The following PTPRD variants were observed in gnomAD, a reference collection of about 807,000 sequenced individuals.
PTPRD encodes the protein protein tyrosine phosphatase receptor type D.
In PTPRD, 34 loss-of-function variants were observed where a neutral mutation model predicts 214.5. The observed-to-expected ratio is 0.16, with a 90% CI of 0.12 to 0.21. The LOEUF (loss-of-function observed/expected upper bound fraction) is 0.21, where lower values mean the gene tolerates loss of function less well. Among genes scored for constraint, PTPRD ranks in the 10% least tolerant of loss-of-function variants. PTPRD has a pLI of 1.00. For synonymous variants in PTPRD, 1,128 were observed against 845.7 expected (o/e 1.33, Z -5.79); for missense variants, 2,545 against 2,398.7 (o/e 1.06, Z -1.27).
intron 12 of PTPRD, among the ~76,000 whole-genome samples, chr9:8,642,715 A>T (rs2096604241): frequency 6.6e-6 from 1 of 152,160 alleles, no homozygotes; most frequent in Admixed American, 6.5e-5. Flanking sequence ...ATGAGTTACC[A>T]TGGGACTTTA....
intron 11 of PTPRD, among the ~76,000 whole-genome samples, chr9:8,771,285 A>G (rs184393519): frequency 5.3e-5 from 8 of 152,342 alleles, no homozygotes; most frequent in Admixed American, 4.6e-4. Flanking sequence ...GTTATTTACA[A>G]AAGTTTTTCC....
chr9:8,491,195 C>G (rs2097142049), intron 27 of PTPRD, among the ~76,000 whole-genome samples: 1 of 152,150 alleles, frequency 6.6e-6, no homozygotes, highest in African/African-American at 2.4e-5. Flanking sequence ...TTTTCTATCT[C>G]AATACCGAAG....
intron 14 of PTPRD, among the ~76,000 whole-genome samples, chr9:8,546,819 A>G (rs2080304016): frequency 6.6e-6 from 1 of 152,164 alleles, no homozygotes; most frequent in Admixed American, 6.5e-5. Flanking sequence ...ATTTTTCTAA[A>G]GAACTGATTT....
chr9:9,031,343 G>A (rs2099604775), intron 10 of PTPRD, among the ~76,000 whole-genome samples: 1 of 151,970 alleles, frequency 6.6e-6, no homozygotes, highest in Non-Finnish European at 1.5e-5. Flanking sequence ...CAATTCTGTT[G>A]TTGTGTGAAC....
intron 3 of PTPRD, among the ~76,000 whole-genome samples, chr9:10,219,417 A>G (rs1415299588): frequency 3.3e-5 from 5 of 151,684 alleles, no homozygotes; most frequent in African/African-American, 1.2e-4. Context: ...GAGATTTGGG[A>G]GTTAATTTCT....
At chr9:8,934,454 T>A (rs1169115323) in intron 11 of PTPRD, among the ~76,000 whole-genome samples, 3 of 31,284 alleles carry the variant, frequency 9.6e-5, no homozygotes, top group African/African-American at 1.7e-4. Flanking sequence ...TATAAATTTA[T>A]ATATATATAA....
At chr9:8,641,815 T>C (rs1005286492) in intron 12 of PTPRD, among the ~76,000 whole-genome samples, 1 of 152,236 alleles carries the variant, frequency 6.6e-6, no homozygotes, top group East Asian at 1.9e-4. Context: ...GTCTAACCAA[T>C]GCACAGTATC....
rs573854858 is a variant in PTPRD, at chr9:10,155,464, G to A, written c.-544-121674C>T. ...TTCTTTCTCTTGCCTGTTTGTTCTC[G>A]CCAGGACTTCCAATAACATGTTGAA... On this transcript the variant is annotated intron_variant, in intron 3 of 45. Transcript: ENST00000381196. 3.2e-4 allele frequency among the ~76,000 whole-genome samples: 48 copies of A among 152,064 alleles called. No individual in the cohort carries two copies. The East Asian group carries it at 7.0e-3, about 22-fold the overall frequency.
At chr9:9,914,244 A>G (rs1427971745) in intron 5 of PTPRD, among the ~76,000 whole-genome samples, 4 of 152,162 alleles carry the variant, frequency 2.6e-5, no homozygotes, top group African/African-American at 9.7e-5. Context: ...GCCCCACAGC[A>G]ACCCCTGCTA....
chr9:8,673,881 G>A (rs1436148520), intron 12 of PTPRD, among the ~76,000 whole-genome samples: 1 of 152,014 alleles, frequency 6.6e-6, no homozygotes, highest in East Asian at 1.9e-4. Context: ...CTTGCAGGAT[G>A]TTCAGCAGCA....
intron 5 of PTPRD, among the ~76,000 whole-genome samples, chr9:9,837,189 T>G (rs1599258141): frequency 1.3e-5 from 2 of 152,172 alleles, no homozygotes; most frequent in Middle Eastern, 6.8e-3. Flanking sequence ...TAGCTCCCAG[T>G]TTGCAAGATA....
At chr9:10,454,196 C>A (rs2098884801) in intron 2 of PTPRD, among the ~76,000 whole-genome samples, 1 of 151,560 alleles carries the variant, frequency 6.6e-6, no homozygotes, top group Non-Finnish European at 1.5e-5. Flanking sequence ...TCCATTTTAT[C>A]ATTTCAGCTA....
intron 11 of PTPRD, chr9:8,862,012 A>G (rs1034524315): frequency 6.6e-6 from 1 of 152,210 alleles, no homozygotes; most frequent in African/African-American, 2.4e-5. Context: ...AATTTAAGTT[A>G]TACAGCATTT....
chr9:8,376,298 G>C (rs1319240010), intron 38 of PTPRD, among the ~76,000 whole-genome samples: 2 of 152,066 alleles, frequency 1.3e-5, no homozygotes, highest in African/African-American at 4.8e-5. Flanking sequence ...ATTCTTAGGT[G>C]AGAAGCATTA....
Position 8,460,433 on chromosome 9 carries a change from T to C in PTPRD, c.3853A>G (p.Ile1285Val). The C allele has an allele frequency of 6.2e-7, 1 of 1,612,692 alleles. No homozygotes were observed. Among genetic ancestry groups the C allele is most frequent in the African/African-American group, 1.3e-5 (1 of 74,924 alleles). ...TACCTTTTATAAAGAAGAATAGCAA[T>C]GACAATGCAGATGATAAAGACCACT... is the stretch of plus-strand genomic sequence containing the variant. ...LAVVFIICIVIAILLYKRKRA... is the reference protein window; with the variant it reads ...LAVVFIICIVVAILLYKRKRA... The change falls in exon 33 of 46, where the codon ATT becomes GTT. Residue 1285 changes from isoleucine (I) to valine (V), a missense_variant. Transcript: ENST00000381196.
chr9:9,741,718 T>A (rs1006950697), intron 6 of PTPRD, among the ~76,000 whole-genome samples: 1 of 152,218 alleles, frequency 6.6e-6, no homozygotes, highest in Non-Finnish European at 1.5e-5. Flanking sequence ...TGGTTTTCTT[T>A]TCCTGTGTTA....
intron 30 of PTPRD, among the ~76,000 whole-genome samples, chr9:8,482,041 A>G (rs748177853): frequency 2.4e-4 from 36 of 151,954 alleles, no homozygotes; most frequent in Non-Finnish European, 3.7e-4. Context: ...TCGGCCTCCC[A>G]AAGTGCTGGG....
intron 6 of PTPRD, among the ~76,000 whole-genome samples, chr9:9,751,099 C>G (rs1376186848): frequency 6.6e-6 from 1 of 152,150 alleles, no homozygotes; most frequent in Non-Finnish European, 1.5e-5. Flanking sequence ...TAAACATGCA[C>G]ACTCTTATCC....
chr9:10,564,605 T>A (rs1226576954), intron 2 of PTPRD, among the ~76,000 whole-genome samples: 1 of 152,092 alleles, frequency 6.6e-6, no homozygotes, highest in Admixed American at 6.6e-5. Flanking sequence ...GCAACATCCC[T>A]GTTGAATCCA....
Sources: allele counts gnomAD v4.1 joint callset (sites outside exome capture counted in the v4.1 genomes callset), GRCh38; gene constraint gnomAD v4.1.1; transcripts MANE v1.5; gene names NCBI Gene and HGNC (gene_info 2026-07-23, HGNC 2026-07-21).